Variants in AGAP1 observed in about 807,000 individuals in gnomAD.
AGAP1 encodes the protein arf-GAP with GTPase, ANK repeat and PH domain-containing protein 1.
In AGAP1, 29 loss-of-function variants were observed where a neutral mutation model predicts 105.3. The ratio of observed to expected loss-of-function variants is 0.28; its 90% confidence interval spans 0.21 to 0.38. The LOEUF is 0.38. AGAP1 is among the 10% of genes least tolerant of loss of function. The pLI, the probability that AGAP1 is intolerant of heterozygous loss-of-function variation, is 1.00. For missense variants in AGAP1, 998 were observed against 1,165.1 expected (o/e 0.86, Z 2.09); for synonymous variants, 509 against 485.9 (o/e 1.05, Z -0.63).
rs1325798852 is a variant in AGAP1 at position 235,981,798 on chromosome 2, T to C, written c.1645+13175T>C. Among the ~76,000 whole-genome samples the C allele has an allele frequency of 6.6e-6, 1 of 152,172 alleles. No individual in the cohort carries two copies. Among genetic ancestry groups the C allele is most frequent in the Non-Finnish European group, 1.5e-5 (1 of 68,034 alleles). On this transcript the variant is annotated intron_variant, in intron 13 of 17. Coordinates refer to ENST00000304032, the MANE Select transcript of AGAP1 (RefSeq NM_001037131.3). This position sits in a 1 kb window ranked among gnomAD's most constrained non-coding sequence, Gnocchi z 5.5. ...AGGCCATAGACGTAGAAAGCAGCGATAGGGCCACCGATCCAGGCGAGGGCA... is the reference window on the plus strand; with the variant it reads ...AGGCCATAGACGTAGAAAGCAGCGACAGGGCCACCGATCCAGGCGAGGGCA...
At chr2:235,675,381 CG>C (rs1362172151) in intron 1 of AGAP1, among the ~76,000 whole-genome samples, 1 of 151,850 alleles carries the variant, frequency 6.6e-6, no homozygotes, top group Non-Finnish European at 1.5e-5. Context: ...TTAGTAGAGA[CG>C]GGGTTTCACT....
chr2:235,962,483 G>T lies in AGAP1; in HGVS notation c.1484-5979G>T, dbSNP rs1164494984. Among the ~76,000 whole-genome samples, 2 of 152,134 alleles carry T rather than the reference G, an allele frequency of 1.3e-5. No individual in the cohort carries two copies. The highest frequency in any genetic ancestry group is 4.8e-5 in the African/African-American group (2 of 41,430). The stretch of plus-strand genomic sequence containing the variant: ...TGGACGTCAGATGGCATGGAACTCA[G>T]GGCATAGAGGAGCCACGGGAGTGAA... On this transcript the variant is annotated intron_variant, in intron 12 of 17. Transcript: ENST00000304032. This position sits in a 1 kb window ranked among gnomAD's most constrained non-coding sequence, Gnocchi z 5.3.
intron 13 of AGAP1, among the ~76,000 whole-genome samples, chr2:236,010,115 TAAAA>T (rs34251322): frequency 2.8e-5 from 4 of 140,452 alleles, no homozygotes; most frequent in African/African-American, 7.7e-5. Flanking sequence ...CATGTGTTAG[TAAAA>T]AAAAAAAAAA....
In AGAP1 at chr2:235,842,907, G is replaced by A. The variant is rs545158848; in HGVS notation, c.1050+35576G>A. ...CATGCCCAGCTAATTTTGTATTTTT[G>A]GTAGAGATGGGGTTTCACCATGTTA... On this transcript the variant is annotated intron_variant, in intron 9 of 17. Transcript: ENST00000304032. The surrounding 1 kb of genome is among the most constrained non-coding windows in gnomAD (Gnocchi z 5.3). 1.3e-5 allele frequency among the ~76,000 whole-genome samples: 2 copies of A among 152,094 alleles called. No individual in the cohort carries two copies.
At position 235,855,618 on chromosome 2, in the gene AGAP1, A is replaced by G. The variant is rs2048656562; in HGVS notation, c.1051-27727A>G. 6.6e-6 allele frequency among the ~76,000 whole-genome samples: 1 copy of G among 152,202 alleles called. No homozygotes were observed. Among genetic ancestry groups the G allele is most frequent in the African/African-American group, 2.4e-5 (1 of 41,456 alleles). ...GTTGCCCTGAACTTTTGATTTTGATATTATAAATACACAGCTACTCATCTC... is the reference window on the plus strand; with the variant it reads ...GTTGCCCTGAACTTTTGATTTTGATGTTATAAATACACAGCTACTCATCTC... On this transcript the variant is annotated intron_variant, in intron 9 of 17. Transcript: ENST00000304032. This position sits in a 1 kb window ranked among gnomAD's most constrained non-coding sequence, Gnocchi z 5.0.
In AGAP1 at chr2:235,509,413, T is replaced by G. The variant is rs578222246; in HGVS notation, c.163+14564T>G. Reference sequence around the variant, plus strand: ...CCACGCCCGGCTAATTTTTGTATTTTTAGTAGAGACGGTTTCACCATGTTG... The same window carrying G: ...CCACGCCCGGCTAATTTTTGTATTTGTAGTAGAGACGGTTTCACCATGTTG... On this transcript the variant is annotated intron_variant, in intron 1 of 17. Transcript: ENST00000304032. 2.4e-4 allele frequency among the ~76,000 whole-genome samples: 36 copies of G among 151,918 alleles called. No individual in the cohort carries two copies. The Middle Eastern group carries it at 0.024, about 100-fold the overall frequency.
chr2:235,805,165 T>G (rs987729693), intron 8 of AGAP1, among the ~76,000 whole-genome samples: 2 of 152,232 alleles, frequency 1.3e-5, no homozygotes, highest in Non-Finnish European at 1.5e-5. Flanking sequence ...GTTTTTTGAC[T>G]GTCTCCGGCA....
At chr2:235,675,190 G>GT (rs10714704) in intron 1 of AGAP1, among the ~76,000 whole-genome samples, 1,534 of 127,232 alleles carry the variant, frequency 0.012, 28 homozygotes, top group East Asian at 0.093. Context: ...TGGTTGGTTG[G>GT]TTTTTTTTTT....
At chr2:235,914,472 A>G (rs1396164880) in intron 11 of AGAP1, among the ~76,000 whole-genome samples, 1 of 151,898 alleles carries the variant, frequency 6.6e-6, no homozygotes, top group Non-Finnish European at 1.5e-5. Flanking sequence ...GAAGGGCCAT[A>G]TGGGGCAATT....
rs772796154 is a variant in AGAP1 at position 236,124,137 on chromosome 2, C to T, written c.*15C>T. On this transcript the variant is annotated 3_prime_UTR_variant, in exon 18 of 18. Coordinates refer to ENST00000304032, the MANE Select transcript of AGAP1 (RefSeq NM_001037131.3). This position sits in a 1 kb window ranked among gnomAD's most constrained non-coding sequence, Gnocchi z 5.1. ...CCATCATCTGAGGAACAGCCGTGCC[C>T]GCCTGCTCGCCGCACCTGGGACGCG... is the stretch of plus-strand genomic sequence containing the variant. 1.1e-4 allele frequency: 185 copies of T among 1,610,730 alleles called. No homozygotes were observed. Among genetic ancestry groups the T allele is most frequent in the Non-Finnish European group, 1.5e-4 (176 of 1,177,566 alleles).
chr2:235,680,808 C>T (rs1239583128), intron 1 of AGAP1, among the ~76,000 whole-genome samples: 4 of 152,166 alleles, frequency 2.6e-5, no homozygotes, highest in Admixed American at 6.5e-5. Context: ...AGAGTGGCTG[C>T]GGGCTCCCAG....
At chr2:235,903,872 C>T (rs1027916636) in intron 10 of AGAP1, among the ~76,000 whole-genome samples, 28 of 152,224 alleles carry the variant, frequency 1.8e-4, no homozygotes, top group African/African-American at 4.1e-4. Flanking sequence ...TCTAGGACAA[C>T]GTGATACAGC....
chr2:235,956,763 G>A (rs1278200675), intron 12 of AGAP1, among the ~76,000 whole-genome samples: 1 of 152,212 alleles, frequency 6.6e-6, no homozygotes, highest in Non-Finnish European at 1.5e-5. Context: ...TGTAGAGCCA[G>A]ATCCTGGTAG....
intron 1 of AGAP1, among the ~76,000 whole-genome samples, chr2:235,511,297 T>G (rs968336443): frequency 6.6e-6 from 1 of 151,380 alleles, no homozygotes; most frequent in African/African-American, 2.4e-5. Flanking sequence ...CTGGTGTAAT[T>G]ATCTAGAGGT....
Position 235,906,454 on chromosome 2 carries a change from C to T in AGAP1, c.1156-2284C>T, listed in dbSNP as rs1170477611. On this transcript the variant is annotated intron_variant, in intron 10 of 17. Coordinates refer to ENST00000304032, the MANE Select transcript of AGAP1 (RefSeq NM_001037131.3). This position sits in a 1 kb window ranked among gnomAD's most constrained non-coding sequence, Gnocchi z 5.3. Reference sequence around the variant, plus strand: ...CACCAGGGACCCTGAAACATCTTGTCCCTCTGGGGCTGATGTAGGGGAGCC... The same window carrying T: ...CACCAGGGACCCTGAAACATCTTGTTCCTCTGGGGCTGATGTAGGGGAGCC... Among the ~76,000 whole-genome samples, 1 of 152,142 alleles carries T rather than the reference C, an allele frequency of 6.6e-6. No homozygotes were observed. The highest frequency in any genetic ancestry group is 2.4e-5 in the African/African-American group (1 of 41,428).
At chr2:235,907,166 G>A (rs1349880687) in intron 10 of AGAP1, among the ~76,000 whole-genome samples, 1 of 152,162 alleles carries the variant, frequency 6.6e-6, no homozygotes, top group Admixed American at 6.5e-5. Context: ...AGAGGCTTCC[G>A]ACCCTTGCAT....
rs2058847473 is a variant in AGAP1 at position 236,083,692 on chromosome 2, A to G, written c.2114+34411A>G. On this transcript the variant is annotated intron_variant, in intron 16 of 17. Coordinates refer to ENST00000304032, the MANE Select transcript of AGAP1 (RefSeq NM_001037131.3). This position sits in a 1 kb window ranked among gnomAD's most constrained non-coding sequence, Gnocchi z 5.3. ...TGGGCTTTTTTGTTTTACTTAATATATAGGAAGATTTTTTTTTAATACCTT... is the reference window on the plus strand; with the variant it reads ...TGGGCTTTTTTGTTTTACTTAATATGTAGGAAGATTTTTTTTTAATACCTT... 6.6e-6 allele frequency among the ~76,000 whole-genome samples: 1 copy of G among 152,170 alleles called. No homozygotes were observed. The highest frequency in any genetic ancestry group is 1.5e-5 in the Non-Finnish European group (1 of 68,038).
In AGAP1 at chr2:235,953,594, A is replaced by G. The variant is rs190251819; in HGVS notation, c.1484-14868A>G. Among the ~76,000 whole-genome samples the G allele has an allele frequency of 2.2e-3, 337 of 152,290 alleles. 2 individuals are homozygous for G. Among genetic ancestry groups the G allele is most frequent in the Middle Eastern group, 3.4e-3 (1 of 294 alleles). On this transcript the variant is annotated intron_variant, in intron 12 of 17. Coordinates refer to ENST00000304032, the MANE Select transcript of AGAP1 (RefSeq NM_001037131.3). This position sits in a 1 kb window ranked among gnomAD's most constrained non-coding sequence, Gnocchi z 5.2. ...ACTTGGCAACTCCCTGTCTTGACAG[A>G]CTTGATTACGGAGCACCTATTTTGT...
rs992100343 is a variant in AGAP1, at chr2:236,117,434, G to A, written c.2115-2758G>A. Among the ~76,000 whole-genome samples, 5 of 152,302 alleles carry A rather than the reference G, an allele frequency of 3.3e-5. No homozygotes were observed. The East Asian group carries it at 5.8e-4, about 18-fold the overall frequency. The stretch of plus-strand genomic sequence containing the variant: ...ACAGAGAATCACTCCAGCAGTTCCC[G>A]GGGAGAACATACTGACACAGCGAAG... On this transcript the variant is annotated intron_variant, in intron 16 of 17. Transcript: ENST00000304032.
Sources: gnomAD v4.1 joint callset for allele counts (sites outside exome capture counted in the v4.1 genomes callset) on GRCh38, gnomAD v4.1.1 for gene constraint, Gnocchi (gnomAD v3.1) non-coding constraint, MANE v1.5 for transcripts, NCBI Gene and HGNC (gene_info 2026-07-23, HGNC 2026-07-21) for gene names.